Variants in SUMF1 observed in about 807,000 individuals in gnomAD.
SUMF1 encodes the protein formylglycine-generating enzyme.
A neutral mutation model predicts 47.6 loss-of-function variants in SUMF1; 48 were observed. The ratio of observed to expected loss-of-function variants is 1.01; its 90% confidence interval spans 0.80 to 1.28. The LOEUF (loss-of-function observed/expected upper bound fraction) is 1.28. Ranked by LOEUF, SUMF1 falls within the 50% of genes most tolerant of loss-of-function variation. The probability of loss-of-function intolerance (pLI) is 0.00; values close to 1 mark genes in which losing one functional copy is unlikely to be tolerated. For synonymous variants in SUMF1, 230 were observed against 192.1 expected (o/e 1.20, Z -1.63); for missense variants, 571 against 485.4 (o/e 1.18, Z -1.66).
At chr3:4,211,223 T>TAC (rs1695786392) in intron 8 of SUMF1, among the ~76,000 whole-genome samples, 5 of 139,266 alleles carry the variant, frequency 3.6e-5, no homozygotes, top group Admixed American at 3.0e-4. Context: ...TATATATATA[T>TAC]ATATCCTATT....
At chr3:4,343,928 T>G (rs1382282808) in intron 8 of SUMF1, among the ~76,000 whole-genome samples, 3 of 152,238 alleles carry the variant, frequency 2.0e-5, no homozygotes, top group Admixed American at 2.0e-4. Context: ...AGGGAAATGC[T>G]TAAATAAATT....
At chr3:4,110,432 C>T (rs142441266) in intron 8 of SUMF1, among the ~76,000 whole-genome samples, 9,610 of 152,046 alleles carry the variant, frequency 0.063, 413 homozygotes, top group African/African-American at 0.1. Flanking sequence ...GAAGACAGTG[C>T]GGCAATTCCT....
chr3:4,324,733 G>A (rs1698906824), intron 8 of SUMF1, among the ~76,000 whole-genome samples: 1 of 152,120 alleles, frequency 6.6e-6, no homozygotes, highest in Non-Finnish European at 1.5e-5. Flanking sequence ...ACAGTTATCT[G>A]TTTGGGCTCA....
At chr3:4,443,421 A>G (rs746112250) in intron 3 of SUMF1, among the ~76,000 whole-genome samples, 30 of 152,170 alleles carry the variant, frequency 2.0e-4, no homozygotes, top group Non-Finnish European at 4.1e-4. Context: ...TTTCAGAAAT[A>G]AACAGATAAT....
In SUMF1 at chr3:4,467,262, T is replaced by G; in HGVS notation, c.-17A>C. The G allele has an allele frequency of 6.2e-7, 1 of 1,603,774 alleles. No homozygotes were observed. Among genetic ancestry groups the G allele is most frequent in the Non-Finnish European group, 8.5e-7 (1 of 1,175,798 alleles). On this transcript the variant is annotated 5_prime_UTR_variant, in exon 1 of 9. It removes an upstream start codon present in the reference 5' UTR. Transcript: ENST00000272902. ...CGCAGCCATGTTGTCCCGCGGGCCA[T>G]GTGACCCGGTTGGTCACGTGGCTGA...
intron 8 of SUMF1, among the ~76,000 whole-genome samples, chr3:4,189,688 T>C (rs1435374632): frequency 7.4e-6 from 1 of 134,526 alleles, no homozygotes; most frequent in Non-Finnish European, 1.6e-5. Flanking sequence ...GCCTCAAGAT[T>C]TTGAAGAACT....
At chr3:4,396,838 T>C (rs1319303864) in intron 7 of SUMF1, among the ~76,000 whole-genome samples, 1 of 152,216 alleles carries the variant, frequency 6.6e-6, no homozygotes, top group Non-Finnish European at 1.5e-5. Context: ...TTCTCTGACC[T>C]ATATAACAGT....
At chr3:4,083,587 C>T (rs1426142750) in intron 8 of SUMF1, among the ~76,000 whole-genome samples, 1 of 152,120 alleles carries the variant, frequency 6.6e-6, no homozygotes, top group African/African-American at 2.4e-5. Flanking sequence ...CCATTTGCAA[C>T]TTGTTCCAAG....
At chr3:4,408,291 G>A (rs1406065050) in intron 7 of SUMF1, among the ~76,000 whole-genome samples, 8 of 152,120 alleles carry the variant, frequency 5.3e-5, no homozygotes, top group Admixed American at 1.3e-4. Flanking sequence ...ACATATTGAC[G>A]ATATCAAGCA....
At chr3:4,244,641 G>T (rs1313547125) in intron 8 of SUMF1, among the ~76,000 whole-genome samples, 2 of 152,166 alleles carry the variant, frequency 1.3e-5, no homozygotes, top group Non-Finnish European at 2.9e-5. Flanking sequence ...CGTCTGATGG[G>T]CTTCCCTTTG....
chr3:4,187,331 T>C (rs532957610), intron 8 of SUMF1, among the ~76,000 whole-genome samples: 1 of 152,252 alleles, frequency 6.6e-6, no homozygotes, highest in Non-Finnish European at 1.5e-5. Context: ...ATCGTGCCAC[T>C]GCACCCCAGC....
intron 8 of SUMF1, among the ~76,000 whole-genome samples, chr3:4,074,063 T>C (rs567397381): frequency 6.6e-6 from 1 of 152,228 alleles, no homozygotes; most frequent in South Asian, 2.1e-4. Flanking sequence ...ATCACACTTA[T>C]TCTAAAATTG....
Position 4,420,150 on chromosome 3 carries a change from A to C in SUMF1, c.520-4T>G, listed in dbSNP as rs767761382. ...ACCACCAGGGAGCAGCTGCAACCTC[A>C]AAGCAACCCAGAACAGGCTGATGTT... On this transcript the variant is annotated splice_polypyrimidine_tract_variant and splice_region_variant and intron_variant, in intron 3 of 8. Transcript: ENST00000272902. 9.9e-6 allele frequency: 16 copies of C among 1,613,762 alleles called. No individual in the cohort carries two copies. The highest frequency in any genetic ancestry group is 1.7e-4 in the Middle Eastern group (1 of 6,032).
chr3:4,090,739 A>G (rs1264581943), intron 8 of SUMF1, among the ~76,000 whole-genome samples: 1 of 152,104 alleles, frequency 6.6e-6, no homozygotes, highest in African/African-American at 2.4e-5. Flanking sequence ...TGCCATTACT[A>G]CAACCACTGT....
intron 8 of SUMF1, among the ~76,000 whole-genome samples, chr3:4,351,912 G>A (rs990965835): frequency 6.6e-6 from 1 of 152,124 alleles, no homozygotes; most frequent in Admixed American, 6.5e-5. Flanking sequence ...AGAAGTACTT[G>A]CACATAATTT....
At chr3:4,265,345 T>G (rs1403784696) in intron 8 of SUMF1, among the ~76,000 whole-genome samples, 2 of 152,156 alleles carry the variant, frequency 1.3e-5, no homozygotes, top group African/African-American at 4.8e-5. Flanking sequence ...CCACATTTTT[T>G]GCTCCTTTAA....
rs577737320 is a variant in SUMF1 at position 4,242,874 on chromosome 3, G to T, written c.1014+133456C>A. On this transcript the variant is annotated intron_variant and NMD_transcript_variant, in intron 8 of 12. Transcript: ENST00000448413. Reference sequence around the variant, plus strand: ...GTACCAGCTCCTCTTTGTACCTCTGGTAGAATTCGGGTGTGAATCCATCTG... The same window carrying T: ...GTACCAGCTCCTCTTTGTACCTCTGTTAGAATTCGGGTGTGAATCCATCTG... Among the ~76,000 whole-genome samples the T allele has an allele frequency of 5.3e-5, 8 of 152,290 alleles. No individual in the cohort carries two copies. The East Asian group carries it at 1.5e-3, about 29-fold the overall frequency.
At chr3:4,137,733 CT>C (rs1385785503) in intron 8 of SUMF1, among the ~76,000 whole-genome samples, 6 of 152,060 alleles carry the variant, frequency 3.9e-5, no homozygotes, top group African/African-American at 1.4e-4. Context: ...GAAGCTTTTC[CT>C]TTCACATCCA....
In SUMF1 at chr3:4,154,866, T is replaced by C. The variant is rs531075675; in HGVS notation, c.1015-86121A>G. 3.4e-4 allele frequency among the ~76,000 whole-genome samples: 51 copies of C among 151,642 alleles called. 1 individual carries two copies. The Middle Eastern group carries it at 0.014, about 40-fold the overall frequency. ...AGAATACATCAAAATTACAGCTTTTTTTGATATATGACTGCAACTTGAAGT... is the reference window on the plus strand; with the variant it reads ...AGAATACATCAAAATTACAGCTTTTCTTGATATATGACTGCAACTTGAAGT... On this transcript the variant is annotated intron_variant and NMD_transcript_variant, in intron 8 of 12. Coordinates refer to the SUMF1 transcript ENST00000448413.
Sources: allele counts gnomAD v4.1 joint callset (sites outside exome capture counted in the v4.1 genomes callset), GRCh38; gene constraint gnomAD v4.1.1; transcripts MANE v1.5; gene names NCBI Gene and HGNC (gene_info 2026-07-23, HGNC 2026-07-21).